CADPS2: variants seen among roughly 807,000 people sequenced by gnomAD.
The protein encoded by CADPS2 is calcium-dependent secretion activator 2.
A neutral mutation model predicts 172.5 loss-of-function variants in CADPS2; 93 were observed. The observed-to-expected ratio is 0.54, with a 90% confidence interval of 0.46 to 0.64. CADPS2 has a LOEUF of 0.64. Among genes scored for constraint, CADPS2 ranks in the 30% least tolerant of loss-of-function variants. The pLI is 0.00. For synonymous variants in CADPS2, 546 were observed against 555.2 expected (o/e 0.98, Z 0.23); for missense variants, 1,420 against 1,565.9 (o/e 0.91, Z 1.57).
intron 3 of CADPS2, among the ~76,000 whole-genome samples, chr7:122,639,785 T>C (rs184729850): frequency 1.3e-5 from 2 of 152,164 alleles, no homozygotes; most frequent in African/African-American, 4.8e-5. Context: ...GGAGATGTGG[T>C]CCCTTGAGCG....
At chr7:122,551,226 T>C (rs1009539500) in intron 8 of CADPS2, among the ~76,000 whole-genome samples, 19 of 152,242 alleles carry the variant, frequency 1.2e-4, no homozygotes, top group African/African-American at 4.3e-4. Context: ...TGTTCTATTC[T>C]CAATAAACTG....
intron 2 of CADPS2, among the ~76,000 whole-genome samples, chr7:122,674,681 TTAC>T (rs1412359622): frequency 6.6e-6 from 1 of 152,216 alleles, no homozygotes; most frequent in East Asian, 1.9e-4. Flanking sequence ...GAACCATGCA[TTAC>T]TTCTTTGATT....
intron 3 of CADPS2, 43 bp from the exon 4 acceptor site, chr7:122,629,371 C>A: frequency 6.7e-7 from 1 of 1,483,250 alleles, no homozygotes; most frequent in Non-Finnish European, 9.2e-7. Flanking sequence ...ATTACTTAAT[C>A]TATATACAGT....
At chr7:122,693,492 T>TCTGG (rs2084662518) in intron 2 of CADPS2, among the ~76,000 whole-genome samples, 1 of 152,212 alleles carries the variant, frequency 6.6e-6, no homozygotes, top group Admixed American at 6.5e-5. Flanking sequence ...GCAGTGGTTC[T>TCTGG]CAGTCTTGTG....
chr7:122,717,077 T>C (rs925185253), intron 2 of CADPS2, among the ~76,000 whole-genome samples: 1 of 152,188 alleles, frequency 6.6e-6, no homozygotes, highest in Admixed American at 6.6e-5. Flanking sequence ...ACTCCTTTTG[T>C]TGTGTGAATA....
chr7:122,550,700 A>C (rs2064167940), intron 8 of CADPS2, among the ~76,000 whole-genome samples: 1 of 152,326 alleles, frequency 6.6e-6, no homozygotes, highest in South Asian at 2.1e-4. Flanking sequence ...ACTGTTACTT[A>C]GCCACTAGGC....
chr7:122,513,618 A>G (rs894662936), intron 8 of CADPS2, among the ~76,000 whole-genome samples: 1 of 152,194 alleles, frequency 6.6e-6, no homozygotes, highest in Non-Finnish European at 1.5e-5. Context: ...CTTACATGCA[A>G]TTCTTAGGAG....
chr7:122,594,645 T>G lies in CADPS2; in HGVS notation c.1224-13355A>C, dbSNP rs558461074. ...GTCTAGCAAGCCTGTTAGCACAAAA[T>G]CAGGTTTCAGAAATAACAGAAGAGA... On this transcript the variant is annotated intron_variant, in intron 6 of 29. Transcript: ENST00000449022. Among the ~76,000 whole-genome samples the G allele has an allele frequency of 1.3e-4, 20 of 152,030 alleles. No homozygotes were observed. In the South Asian group the frequency reaches 3.5e-3, roughly 27 times the overall value.
chr7:122,828,373 T>C (rs1329635496), intron 1 of CADPS2, among the ~76,000 whole-genome samples: 1 of 152,120 alleles, frequency 6.6e-6, no homozygotes, highest in Non-Finnish European at 1.5e-5. Flanking sequence ...ACTCTATCTC[T>C]GTTTTTTGTA....
chr7:122,549,395 C>T (rs929586939), intron 8 of CADPS2, among the ~76,000 whole-genome samples: 2 of 152,130 alleles, frequency 1.3e-5, no homozygotes, highest in Admixed American at 1.3e-4. Flanking sequence ...TTACCGTCTA[C>T]ATGACTTTTA....
chr7:122,692,158 C>T (rs1314072330), intron 2 of CADPS2, among the ~76,000 whole-genome samples: 3 of 152,116 alleles, frequency 2.0e-5, no homozygotes, highest in Non-Finnish European at 4.4e-5. Context: ...ACACCAACGT[C>T]CTTCTCCTGA....
In CADPS2 at chr7:122,886,248, C is replaced by T; in HGVS notation, c.90G>A (p.Gln30=). ...RDVLVAAGSS[Q]RAPPAPTREG... ...CCCGAGTCGGGGCTGGAGGAGCTCG[C>T]TGCGAGCTGCCGGCTGCCACCAGCA... Residue 30 remains glutamine (Q), a synonymous_variant, in exon 1 of 30, where the codon CAG becomes CAA. Transcript: ENST00000449022. The T allele has an allele frequency of 6.7e-7, 1 of 1,498,946 alleles. No homozygotes were observed. Among genetic ancestry groups the T allele is most frequent in the Non-Finnish European group, 8.8e-7 (1 of 1,131,908 alleles). The allele number at this position is 1,498,946 out of a possible 1,614,324, so 92.9% of individuals were successfully genotyped here. A position where few individuals can be genotyped will look rare whatever the true frequency, so the allele number is the denominator to read the frequency against.
intron 14 of CADPS2, among the ~76,000 whole-genome samples, chr7:122,461,571 T>C (rs2054437364): frequency 2.0e-5 from 3 of 152,178 alleles, no homozygotes; most frequent in African/African-American, 7.2e-5. Flanking sequence ...CTAGCATTTG[T>C]ACTGCCAAGA....
chr7:122,438,508 T>A, intron 16 of CADPS2, 44 bp from the exon 17 acceptor site: 1 of 1,601,312 alleles, frequency 6.2e-7, no homozygotes, highest in Non-Finnish European at 8.5e-7. Flanking sequence ...GGGTTGGGGA[T>A]AGACAGATGG....
chr7:122,391,670 T>C (rs2044381566), intron 22 of CADPS2, among the ~76,000 whole-genome samples: 1 of 152,132 alleles, frequency 6.6e-6, no homozygotes, highest in African/African-American at 2.4e-5. Context: ...CTAGTGAGTA[T>C]TATGAATGCA....
chr7:122,834,647 C>A (rs534387773), intron 1 of CADPS2, among the ~76,000 whole-genome samples: 1 of 152,346 alleles, frequency 6.6e-6, no homozygotes, highest in East Asian at 1.9e-4. Context: ...TATACGGCGC[C>A]TGGCTTGGAG....
At chr7:122,571,376 C>T (rs987630951) in intron 7 of CADPS2, among the ~76,000 whole-genome samples, 4 of 152,102 alleles carry the variant, frequency 2.6e-5, no homozygotes, top group Non-Finnish European at 5.9e-5. Flanking sequence ...CTCTATTATT[C>T]TGAGGAAATA....
At chr7:122,638,399 A>G (rs1481615996) in intron 3 of CADPS2, among the ~76,000 whole-genome samples, 1 of 152,190 alleles carries the variant, frequency 6.6e-6, no homozygotes, top group Non-Finnish European at 1.5e-5. Context: ...GAGCAGGATG[A>G]GTGGAGTCAC....
chr7:122,850,983 C>A (rs1161431923), intron 1 of CADPS2, among the ~76,000 whole-genome samples: 1 of 152,184 alleles, frequency 6.6e-6, no homozygotes, highest in East Asian at 1.9e-4. Context: ...CTCTCTACTC[C>A]CACTAAGACC....
Sources: gnomAD v4.1 joint callset for allele counts (sites outside exome capture counted in the v4.1 genomes callset) on GRCh38, gnomAD v4.1.1 for gene constraint, MANE v1.5 for transcripts, NCBI Gene and HGNC (gene_info 2026-07-23, HGNC 2026-07-21) for gene names.